Variants in MECOM observed in about 807,000 individuals in gnomAD.
MECOM encodes the protein histone-lysine N-methyltransferase MECOM.
Under a neutral mutation model 116.3 loss-of-function variants are expected in MECOM, and 13 were observed. The observed-to-expected ratio is 0.11, with a 90% confidence interval of 0.07 to 0.18. The LOEUF (loss-of-function observed/expected upper bound fraction) is 0.18, where lower values mean the gene tolerates loss of function less well. Ranked by LOEUF, MECOM falls within the 10% of genes least tolerant of loss-of-function variation. MECOM has a pLI of 1.00. For synonymous variants in MECOM, 528 were observed against 535.2 expected, an observed-to-expected ratio of 0.99 and a Z score of 0.19; for missense variants, 1,299 against 1,509.0, an observed-to-expected ratio of 0.86 and a Z score of 2.31.
At chr3:169,191,611 G>A (rs557990399) in intron 2 of MECOM, among the ~76,000 whole-genome samples, 4 of 150,682 alleles carry the variant, frequency 2.7e-5, no homozygotes, top group East Asian at 2.0e-4. Context: ...ACGAAGGAAG[G>A]AGGGAAGGAA....
intron 1 of MECOM, among the ~76,000 whole-genome samples, chr3:169,541,694 G>A (rs368380082): frequency 5.9e-5 from 9 of 152,196 alleles, no homozygotes; most frequent in Admixed American, 2.6e-4. Context: ...TTTTCAAGCC[G>A]TCCTACCTCA....
intron 12 of MECOM, among the ~76,000 whole-genome samples, chr3:169,097,234 G>T (rs976802296): frequency 3.3e-5 from 5 of 151,664 alleles, no homozygotes; most frequent in African/African-American, 4.9e-5. Flanking sequence ...GCACACAAAG[G>T]GTCTTTTCCA....
intron 1 of MECOM, among the ~76,000 whole-genome samples, chr3:169,556,812 C>T (rs936343758): frequency 1.3e-5 from 2 of 152,166 alleles, no homozygotes; most frequent in Non-Finnish European, 2.9e-5. Context: ...CTTCACATGA[C>T]GGTAGTCCCC....
intron 1 of MECOM, chr3:169,615,115 T>C (rs1415004405): frequency 6.6e-6 from 1 of 152,230 alleles, no homozygotes; most frequent in Non-Finnish European, 1.5e-5. Flanking sequence ...ATAAAACACA[T>C]AGGCTCACAA....
At chr3:169,436,635 A>G (rs1319677830) in intron 1 of MECOM, among the ~76,000 whole-genome samples, 1 of 152,168 alleles carries the variant, frequency 6.6e-6, no homozygotes, top group Non-Finnish European at 1.5e-5. Context: ...CTCTTTTGAC[A>G]TTGATACTAT....
chr3:169,317,874 T>C lies in MECOM; in HGVS notation c.375+63313A>G, dbSNP rs143524454. On this transcript the variant is annotated intron_variant, in intron 2 of 16. Coordinates refer to ENST00000651503, the MANE Select transcript of MECOM (RefSeq NM_004991.4). The stretch of plus-strand genomic sequence containing the variant: ...CATCATGCTACCTGGCTTCAAACTA[T>C]ACTACAAGGCTACAGTAACCAAAAC... Among the ~76,000 whole-genome samples the C allele has an allele frequency of 5.7e-3, 871 of 152,192 alleles. 7 individuals are homozygous for C. Among genetic ancestry groups the C allele is most frequent in the African/African-American group, 0.02 (811 of 41,512 alleles).
intron 2 of MECOM, among the ~76,000 whole-genome samples, chr3:169,352,771 C>T (rs1323037734): frequency 6.6e-6 from 1 of 151,930 alleles, no homozygotes; most frequent in Admixed American, 6.6e-5. Context: ...TGCAATAGGA[C>T]TCAGGACCAA....
rs372272176 is a variant in MECOM, at chr3:169,526,393, T to G, written c.37+136943A>C. 3.9e-5 allele frequency among the ~76,000 whole-genome samples: 6 copies of G among 152,260 alleles called. No individual in the cohort carries two copies. The East Asian group carries it at 7.7e-4, about 20-fold the overall frequency. On this transcript the variant is annotated intron_variant, in intron 1 of 16. Coordinates refer to ENST00000651503, the MANE Select transcript of MECOM (RefSeq NM_004991.4). ...TTGACATTTTTATTGCAATGAGGCC[T>G]ACTGACACTTAGGAAAACGTTTTGA...
At chr3:169,262,341 G>T (rs746810064) in intron 2 of MECOM, among the ~76,000 whole-genome samples, 1 of 152,182 alleles carries the variant, frequency 6.6e-6, no homozygotes, top group Non-Finnish European at 1.5e-5. Flanking sequence ...AAATGTAAAA[G>T]CTCAGCTAAA....
chr3:169,413,744 C>T (rs926250177), intron 1 of MECOM, among the ~76,000 whole-genome samples: 12 of 152,088 alleles, frequency 7.9e-5, no homozygotes, highest in African/African-American at 1.9e-4. Flanking sequence ...AGGTGGTTTT[C>T]CCTCACAGTG....
At chr3:169,508,388 C>T (rs1415647626) in intron 1 of MECOM, among the ~76,000 whole-genome samples, 1 of 151,106 alleles carries the variant, frequency 6.6e-6, no homozygotes, top group African/African-American at 2.4e-5. Context: ...AGGAAATTTG[C>T]TTCTATAGAA....
Position 169,585,062 on chromosome 3 carries a change from T to C in MECOM, c.37+78274A>G, listed in dbSNP as rs143568372. Among the ~76,000 whole-genome samples the C allele has an allele frequency of 2.6e-5, 4 of 152,364 alleles. No homozygotes were observed. In the East Asian group the frequency reaches 5.8e-4, roughly 22 times the overall value. ...TGGATAGAACATAAAGAAAATCTTC[T>C]TGACAGTAATAAATATAAGAACATT... On this transcript the variant is annotated intron_variant, in intron 1 of 16. Coordinates refer to ENST00000651503, the MANE Select transcript of MECOM (RefSeq NM_004991.4).
chr3:169,326,685 T>C lies in MECOM; in HGVS notation c.375+54502A>G, dbSNP rs372437346. Among the ~76,000 whole-genome samples the C allele has an allele frequency of 2.4e-4, 37 of 152,308 alleles. No individual in the cohort carries two copies. In the East Asian group the frequency reaches 2.5e-3, roughly 10 times the overall value. On this transcript the variant is annotated intron_variant, in intron 2 of 16. Coordinates refer to ENST00000651503, the MANE Select transcript of MECOM (RefSeq NM_004991.4). ...TTTTTGTAGATCAGCAAGTTAAAAATCATGTTGCCTTTGCTATTTTTACCA... is the reference window on the plus strand; with the variant it reads ...TTTTTGTAGATCAGCAAGTTAAAAACCATGTTGCCTTTGCTATTTTTACCA...
intron 2 of MECOM, among the ~76,000 whole-genome samples, chr3:169,243,554 C>A (rs1218476229): frequency 1.3e-5 from 2 of 151,992 alleles, no homozygotes; most frequent in Non-Finnish European, 1.5e-5. Flanking sequence ...AAAAAAAATT[C>A]TTTATAGATA....
Position 169,324,995 on chromosome 3 carries a change from A to G in MECOM, c.375+56192T>C, listed in dbSNP as rs148936811. ...ACAGTAACAGCTCTTCACACTACTC[A>G]CAGCTCATATTTTCCAGGCAGCAGA... On this transcript the variant is annotated intron_variant, in intron 2 of 16. Coordinates refer to ENST00000651503, the MANE Select transcript of MECOM (RefSeq NM_004991.4). Among the ~76,000 whole-genome samples the G allele has an allele frequency of 2.3e-3, 346 of 152,086 alleles. 2 individuals carry two copies. The highest frequency in any genetic ancestry group is 7.9e-3 in the African/African-American group (329 of 41,476).
In MECOM at chr3:169,663,423, T is replaced by G. The variant is rs1288223935; in HGVS notation, c.-51A>C. The stretch of plus-strand genomic sequence containing the variant: ...GTGTGTGGTTGGGGCTTTTTTTTCT[T>G]GGATCCTTTCCTTCTTTTGCTCTCC... On this transcript the variant is annotated 5_prime_UTR_variant, in exon 1 of 17. Coordinates refer to ENST00000651503, the MANE Select transcript of MECOM (RefSeq NM_004991.4). 3.8e-6 allele frequency: 6 copies of G among 1,580,400 alleles called. No individual in the cohort carries two copies. In the Admixed American group the frequency reaches 1.1e-4, roughly 28 times the overall value.
At chr3:169,192,371 A>G (rs2220391) in intron 2 of MECOM, among the ~76,000 whole-genome samples, 28,688 of 151,986 alleles carry the variant, frequency 0.19, 3,720 homozygotes, top group East Asian at 0.5. Flanking sequence ...AATGAAATAT[A>G]TATTTAAGTT....
At chr3:169,515,185 A>G (rs1353875411) in intron 1 of MECOM, among the ~76,000 whole-genome samples, 1 of 152,130 alleles carries the variant, frequency 6.6e-6, no homozygotes, top group East Asian at 1.9e-4. Flanking sequence ...TTGCAGGTAG[A>G]GAGCACATGA....
chr3:169,112,627 A>G (rs1343115687), intron 9 of MECOM, among the ~76,000 whole-genome samples, 160 bp downstream of exon 9: 1 of 152,142 alleles, frequency 6.6e-6, no homozygotes, highest in Non-Finnish European at 1.5e-5. Flanking sequence ...TTTTCTTTAA[A>G]GAGTTTGGGT....
Sources: gnomAD v4.1 joint callset for allele counts (sites outside exome capture counted in the v4.1 genomes callset) on GRCh38, gnomAD v4.1.1 for gene constraint, MANE v1.5 for transcripts, NCBI Gene and HGNC (gene_info 2026-07-23, HGNC 2026-07-21) for gene names.